AQR: variants seen among roughly 807,000 people sequenced by gnomAD.
AQR encodes RNA helicase aquarius.
A neutral mutation model predicts 180.5 loss-of-function variants in AQR; 61 were observed. The ratio of observed to expected loss-of-function variants is 0.34; its 90% CI spans 0.28 to 0.42. The LOEUF (loss-of-function observed/expected upper bound fraction) is 0.42. AQR is among the 10% of genes least tolerant of loss of function. The probability of loss-of-function intolerance (pLI) is 1.00; values close to 1 mark genes in which losing one functional copy is unlikely to be tolerated. For synonymous variants in AQR, 551 were observed against 588.8 expected, an observed-to-expected ratio of 0.94 and a Z score of 0.93; for missense variants, 1,281 against 1,798.3, an observed-to-expected ratio of 0.71 and a Z score of 5.20.
intron 27 of AQR, among the ~76,000 whole-genome samples, chr15:34,880,472 A>C (rs1171063499): frequency 6.6e-6 from 1 of 152,230 alleles, no homozygotes; most frequent in African/African-American, 2.4e-5. Flanking sequence ...GTACTAAGAA[A>C]ATATTTAAAA....
chr15:34,887,056 C>T (rs561919873), intron 24 of AQR, among the ~76,000 whole-genome samples: 9 of 151,046 alleles, frequency 6.0e-5, no homozygotes, highest in South Asian at 2.1e-4. Flanking sequence ...ACCTGGGAGG[C>T]GGAGCTTGCA....
intron 24 of AQR, among the ~76,000 whole-genome samples, chr15:34,888,795 C>T (rs1295516081): frequency 6.6e-6 from 1 of 152,208 alleles, no homozygotes; most frequent in African/African-American, 2.4e-5. Flanking sequence ...TGGATAACCA[C>T]TCCTTCTCTA....
intron 33 of AQR, among the ~76,000 whole-genome samples, chr15:34,861,566 G>A (rs1310094201): frequency 6.6e-6 from 1 of 152,160 alleles, no homozygotes; most frequent in Non-Finnish European, 1.5e-5. Flanking sequence ...GTGACATGTA[G>A]CCCTTACATA....
rs1893447190 is a variant in AQR, at chr15:34,908,198, T to A, written c.1664-1486A>T. ...TGGGCACGGTGGCTCACGCCTGTAA[T>A]CCCAGCACTTTAGGAAGCTGAGGCA... On this transcript the variant is annotated intron_variant, in intron 17 of 34. Coordinates refer to ENST00000156471, the MANE Select transcript of AQR (RefSeq NM_014691.3). 1.3e-5 allele frequency among the ~76,000 whole-genome samples: 2 copies of A among 152,214 alleles called. 1 individual carries two copies. The highest frequency in any genetic ancestry group is 4.1e-4 in the South Asian group (2 of 4,826).
chr15:34,950,084 C>CTTTTTTTTTTTTTTTTT (rs1174370425), intron 4 of AQR, among the ~76,000 whole-genome samples: 6 of 74,088 alleles, frequency 8.1e-5, no homozygotes, highest in Non-Finnish European at 1.1e-4. Context: ...TGCTATTTTC[C>CTTTTTTTTTTTTTTTTT]TTTTTTTTTT....
intron 29 of AQR, chr15:34,874,296 G>T: frequency 6.3e-6 from 2 of 316,798 alleles, no homozygotes; most frequent in Admixed American, 9.4e-5. Flanking sequence ...GGACATTTGG[G>T]GGTAACTATG....
Position 34,920,906 on chromosome 15 carries a change from C to T in AQR, c.1119-472G>A, listed in dbSNP as rs184308269. ...CCGGGAGGCGGAGCTTGCAGTGAGC[C>T]GAGATCGCGCCACTGTACTCCAGCC... On this transcript the variant is annotated intron_variant, in intron 13 of 34. Coordinates refer to ENST00000156471, the MANE Select transcript of AQR (RefSeq NM_014691.3). Among the ~76,000 whole-genome samples the T allele has an allele frequency of 8.6e-3, 1,301 of 151,956 alleles. 20 individuals carry two copies. The highest frequency in any genetic ancestry group is 0.03 in the African/African-American group (1,239 of 41,434).
intron 11 of AQR, among the ~76,000 whole-genome samples, chr15:34,931,764 T>A (rs1893864488): frequency 6.6e-6 from 1 of 152,104 alleles, no homozygotes; most frequent in South Asian, 2.1e-4. Context: ...GCCGAGATCA[T>A]GCCACTGCCA....
rs1892589629 is a variant in AQR, at chr15:34,856,700, G to A, written c.*92C>T. Reference sequence around the variant, plus strand: ...AAGAACTAAACATTAATTAGTGACAGTAAAATGGCAGAAGCAAATATAAAA... The same window carrying A: ...AAGAACTAAACATTAATTAGTGACAATAAAATGGCAGAAGCAAATATAAAA... On this transcript the variant is annotated 3_prime_UTR_variant, in exon 35 of 35. Transcript: ENST00000156471. 3 of 1,116,312 alleles carry A rather than the reference G, an allele frequency of 2.7e-6. No homozygotes were observed. The highest frequency in any genetic ancestry group is 2.1e-4 in the Middle Eastern group (1 of 4,698). The allele number at this position is 1,116,312 out of a possible 1,614,324, so 69.2% of individuals were successfully genotyped here.
chr15:34,907,606 G>A (rs1566987056), intron 17 of AQR, among the ~76,000 whole-genome samples: 1 of 152,178 alleles, frequency 6.6e-6, no homozygotes. Flanking sequence ...TGTTTTAATT[G>A]GGGGACTGGT....
At chr15:34,959,914 G>T (rs2050264786) in intron 3 of AQR, among the ~76,000 whole-genome samples, 1 of 152,210 alleles carries the variant, frequency 6.6e-6, no homozygotes, top group Non-Finnish European at 1.5e-5. Flanking sequence ...GCCAAGGCAG[G>T]TGGATCACTT....
rs971715666 is a variant in AQR, at chr15:34,853,862, T to C, written c.*2930A>G. 1 of 152,208 alleles carries C rather than the reference T, an allele frequency of 6.6e-6. No homozygotes were observed. Among genetic ancestry groups the C allele is most frequent in the Non-Finnish European group, 1.5e-5 (1 of 68,040 alleles). 9.4% of individuals were successfully genotyped at this position (152,208 alleles called of 1,614,324 possible). Reference sequence around the variant, plus strand: ...GAGGTTATAAAATTTGTCTAAGGTCTAACCAAATGCTGATAAGCAAATTAG... The same window carrying C: ...GAGGTTATAAAATTTGTCTAAGGTCCAACCAAATGCTGATAAGCAAATTAG... On this transcript the variant is annotated 3_prime_UTR_variant, in exon 35 of 35. Coordinates refer to ENST00000156471, the MANE Select transcript of AQR (RefSeq NM_014691.3).
intron 24 of AQR, among the ~76,000 whole-genome samples, chr15:34,888,580 C>T (rs924313942): frequency 6.6e-6 from 1 of 151,708 alleles, no homozygotes; most frequent in Non-Finnish European, 1.5e-5. Context: ...ACCTGTAATC[C>T]CAGCTACTCA....
At chr15:34,957,208 G>A (rs143886192) in intron 3 of AQR, among the ~76,000 whole-genome samples, 1,625 of 151,880 alleles carry the variant, frequency 0.011, 28 homozygotes, top group African/African-American at 0.036. Context: ...CCAGGCTGGA[G>A]TAGAGTGGCA....
At chr15:34,937,648 C>T (rs1893963747) in intron 9 of AQR, among the ~76,000 whole-genome samples, 1 of 152,102 alleles carries the variant, frequency 6.6e-6, no homozygotes, top group South Asian at 2.1e-4. Context: ...CTTTGGGAGG[C>T]CGAGGCAGGC....
At position 34,897,724 on chromosome 15, in the gene AQR, T is replaced by G. The variant is rs1323096746; in HGVS notation, c.2244-19A>C. ...AGTTATCCTACAAGACCAAAACTTC[T>G]GTTCATTTTTGCAATTAACAAGGAT... On this transcript the variant is annotated intron_variant, in intron 20 of 34. Coordinates refer to ENST00000156471, the MANE Select transcript of AQR (RefSeq NM_014691.3). The G allele has an allele frequency of 1.2e-6, 2 of 1,612,938 alleles. No homozygotes were observed. Among genetic ancestry groups the G allele is most frequent in the African/African-American group, 2.7e-5 (2 of 74,902 alleles).
chr15:34,964,245 A>G lies in AQR; in HGVS notation c.121T>C (p.Phe41Leu). ...WAPHIKKKSPFDIKVIEDIYE... is the reference protein window; with the variant it reads ...WAPHIKKKSPLDIKVIEDIYE... ...CCAAAAATACTTACCTTTATATCAAAAGGTGATTTCTTCTTGATGTGGGGA... is the reference window on the plus strand; with the variant it reads ...CCAAAAATACTTACCTTTATATCAAGAGGTGATTTCTTCTTGATGTGGGGA... Residue 41 changes from phenylalanine to leucine, a missense_variant, in exon 2 of 35, where the codon TTT (phenylalanine) becomes CTT (leucine). Phe to Leu is a conservative substitution (Grantham distance 22). Around this residue, in one of 9 missense-constraint regions of AQR, gnomAD observed 404 missense variants for 490.9 expected, o/e 0.82. Coordinates refer to ENST00000156471, the MANE Select transcript of AQR (RefSeq NM_014691.3). 6.2e-7 allele frequency: 1 copy of G among 1,605,852 alleles called. No individual in the cohort carries two copies. The highest frequency in any genetic ancestry group is 2.2e-5 in the East Asian group (1 of 44,852).
intron 15 of AQR, among the ~76,000 whole-genome samples, chr15:34,916,181 G>A (rs374818826): frequency 9.2e-5 from 14 of 152,236 alleles, no homozygotes; most frequent in African/African-American, 3.1e-4. Flanking sequence ...AATTTAGCAT[G>A]AACACTGAAT....
rs11315761 is a variant in AQR, at chr15:34,968,255, ATT to A, written c.75+1282_75+1283del. On this transcript the variant is annotated intron_variant, in intron 1 of 34. Transcript: ENST00000156471. ...GAAAAGGAAGGAAAGGAAGGAAGAG[ATT>A]TTTTTTTTTTTTTGAGACGGAGTCT... is the stretch of plus-strand genomic sequence containing the variant. Among the ~76,000 whole-genome samples, 1,288 of 143,546 alleles carry A rather than the reference ATT, an allele frequency of 9.0e-3. 12 individuals carry two copies. Among genetic ancestry groups the A allele is most frequent in the African/African-American group, 0.026 (997 of 39,090 alleles). The allele number at this position is 143,546 out of a possible 152,430, so 94.2% of individuals were successfully genotyped here.
Sources: gnomAD v4.1 joint callset for allele counts (sites outside exome capture counted in the v4.1 genomes callset) on GRCh38, gnomAD v4.1.1 for gene constraint, gnomAD v4.1.1 regional missense constraint, MANE v1.5 for transcripts, NCBI Gene and HGNC (gene_info 2026-07-23, HGNC 2026-07-21) for gene names.